MCM3AP: variants seen among roughly 807,000 people sequenced by gnomAD.
MCM3AP encodes germinal-center associated nuclear protein.
A neutral mutation model predicts 184.1 loss-of-function variants in MCM3AP; 126 were observed. That is an observed-to-expected ratio of 0.68 (90% CI 0.59 to 0.79). The LOEUF is 0.79. Among genes scored for constraint, MCM3AP ranks in the 30% least tolerant of loss-of-function variants. The pLI is 0.00. For synonymous variants in MCM3AP, 1,002 were observed against 979.3 expected (o/e 1.02, Z -0.43); for missense variants, 2,496 against 2,479.2 (o/e 1.01, Z -0.14).
intron 2 of MCM3AP, among the ~76,000 whole-genome samples, chr21:46,282,986 C>T (rs2081352297): frequency 6.6e-6 from 1 of 151,536 alleles, no homozygotes; most frequent in Non-Finnish European, 1.5e-5. Context: ...AGTGCAGTGG[C>T]ACGAACTCGG....
At chr21:46,242,968 C>A in intron 24 of MCM3AP, 37 bp from the exon 25 acceptor site, 1 of 1,500,322 alleles carries the variant, frequency 6.7e-7, no homozygotes, top group Middle Eastern at 1.8e-4. Flanking sequence ...AAGAGGCCAG[C>A]CTGGCCAACC....
In MCM3AP at chr21:46,236,750, C is replaced by T. The variant is rs16979006; in HGVS notation, c.5784+79G>A. 48,795 of 952,948 alleles carry T rather than the reference C, an allele frequency of 0.051. 1,852 individuals are homozygous for T. The highest frequency in any genetic ancestry group is 0.15 in the African/African-American group (8,915 of 58,286). The allele number at this position is 952,948 out of a possible 1,614,324, so 59.0% of individuals were successfully genotyped here. On this transcript the variant is annotated intron_variant, in intron 27 of 27. Transcript: ENST00000291688. Reference sequence around the variant, plus strand: ...GTCATCAAAACATCATAGGATAAATCGTGATATTACTTTTTTCCCCAGCCA... The same window carrying T: ...GTCATCAAAACATCATAGGATAAATTGTGATATTACTTTTTTCCCCAGCCA...
In MCM3AP at chr21:46,272,623, G is replaced by A. The variant is rs2081195730; in HGVS notation, c.2403C>T (p.Ala801=). 6.2e-7 allele frequency: 1 copy of A among 1,614,208 alleles called. No homozygotes were observed. The highest frequency in any genetic ancestry group is 8.5e-7 in the Non-Finnish European group (1 of 1,180,030). Residue 801 remains alanine (A), a synonymous_variant, in exon 8 of 28, where the codon GCC becomes GCT. Transcript: ENST00000291688. ...TGTAGCCCTGGAACTCCGCTTCGCTGGCACAGAAGACACCCTTGTTTCTCA... is the reference window on the plus strand; with the variant it reads ...TGTAGCCCTGGAACTCCGCTTCGCTAGCACAGAAGACACCCTTGTTTCTCA... ...QDLRNKGVFC[A]SEAEFQGYNV...
chr21:46,247,880 G>T (rs1160581302), intron 20 of MCM3AP, among the ~76,000 whole-genome samples: 4 of 152,008 alleles, frequency 2.6e-5, no homozygotes, highest in Non-Finnish European at 5.9e-5. Context: ...CAGGAGAACT[G>T]TTTGAGGCCA....
intron 2 of MCM3AP, among the ~76,000 whole-genome samples, chr21:46,282,595 G>A (rs1157176485): frequency 6.6e-6 from 1 of 152,090 alleles, no homozygotes; most frequent in Non-Finnish European, 1.5e-5. Flanking sequence ...GTGAGGTCAG[G>A]AGATCGAGAC....
chr21:46,247,797 A>C (rs1191527805), intron 20 of MCM3AP: 1 of 152,176 alleles, frequency 6.6e-6, no homozygotes, highest in Non-Finnish European at 1.5e-5. Flanking sequence ...AATTAACCTT[A>C]AACAGGTATA....
rs776140894 is a variant in MCM3AP at position 46,266,186 on chromosome 21, C to T, written c.2790-20G>A. 6.3e-7 allele frequency: 1 copy of T among 1,584,208 alleles called. No individual in the cohort carries two copies. Among genetic ancestry groups the T allele is most frequent in the Admixed American group, 1.7e-5 (1 of 58,236 alleles). On this transcript the variant is annotated intron_variant, in intron 10 of 27. Coordinates refer to ENST00000291688, the MANE Select transcript of MCM3AP (RefSeq NM_003906.5). ...ACACAGCTACCCAGACCACAAAAGACCCCCGAGGGGTGTCACCAGGGGAGA... is the reference window on the plus strand; with the variant it reads ...ACACAGCTACCCAGACCACAAAAGATCCCCGAGGGGTGTCACCAGGGGAGA...
At chr21:46,264,598 A>T (rs17182864) in intron 12 of MCM3AP, among the ~76,000 whole-genome samples, 2,766 of 152,222 alleles carry the variant, frequency 0.018, 85 homozygotes, top group African/African-American at 0.062. Flanking sequence ...GACAGGCTCT[A>T]CTCAATATCA....
At position 46,275,286 on chromosome 21, in the gene MCM3AP, A is replaced by G. The variant is rs1417548742; in HGVS notation, c.1898T>C (p.Phe633Ser). 4 of 1,614,034 alleles carry G rather than the reference A, an allele frequency of 2.5e-6. No individual in the cohort carries two copies. The highest frequency in any genetic ancestry group is 1.1e-5 in the South Asian group (1 of 91,072). Residue 633 changes from phenylalanine to serine, a missense_variant, in exon 6 of 28, where the codon TTT (phenylalanine) becomes TCT (serine). Phe to Ser is a radical substitution (Grantham distance 155, BLOSUM62 -2). Around this residue, in one of 5 missense-constraint regions of MCM3AP, gnomAD observed 130 missense variants for 199.8 expected, o/e 0.65. Transcript: ENST00000291688. ...KRTDLDKARTFVGTCLDMCPE... is the reference protein window; with the variant it reads ...KRTDLDKARTSVGTCLDMCPE... ...ACACATATCCAGGCAGGTGCCAACA[A>G]AAGTCCTCGCTTTGTCCAGATCGGT...
intron 5 of MCM3AP, 49 bp downstream of exon 5, chr21:46,277,478 G>A (rs368096624): frequency 2.1e-6 from 3 of 1,441,692 alleles, no homozygotes; most frequent in Non-Finnish European, 2.8e-6. Context: ...TGGCACCCAA[G>A]ATGACGACCT....
Position 46,284,138 on chromosome 21 carries a change from A to C in MCM3AP, c.1149T>G (p.Ser383=), listed in dbSNP as rs777389686. The C allele has an allele frequency of 4.3e-6, 7 of 1,614,244 alleles. No individual in the cohort carries two copies. The highest frequency in any genetic ancestry group is 1.3e-5 in the African/African-American group (1 of 75,068). ...CTGGAATCCGGGAAGGTGCCAGGAC[A>C]GACTGATTCCCTCCTGGGATAGCCA... is the stretch of plus-strand genomic sequence containing the variant. ...DHMAIPGGNQ[S]VLAPSRIPGV... is the part of the protein sequence containing the mutation. The change falls in exon 1 of 28, where the codon TCT becomes TCG. Residue 383 remains serine, a synonymous_variant. Transcript: ENST00000291688.
chr21:46,280,202 ACT>A, intron 3 of MCM3AP, 65 bp from the exon 4 acceptor site: 1 of 1,502,688 alleles, frequency 6.7e-7, no homozygotes, highest in Non-Finnish European at 9.2e-7. Context: ...GGATTTTTTC[ACT>A]CTGTTTCTAA....
chr21:46,283,997 T>G (rs2081366671), intron 1 of MCM3AP, 71 bp downstream of exon 1: 26 of 1,556,202 alleles, frequency 1.7e-5, no homozygotes, highest in Non-Finnish European at 2.3e-5. Context: ...AAAATCAAGC[T>G]AACACCCAGA....
chr21:46,264,295 C>T (rs1279344970), intron 12 of MCM3AP, 78 bp from the exon 13 acceptor site: 1 of 912,254 alleles, frequency 1.1e-6, no homozygotes, highest in African/African-American at 1.6e-5. Context: ...TGTCACCGGA[C>T]AGTCTGCAGG....
rs1208353758 is a variant in MCM3AP at position 46,283,721 on chromosome 21, A to G, written c.1337T>C (p.Leu446Pro). 2 of 1,613,864 alleles carry G rather than the reference A, an allele frequency of 1.2e-6. No individual in the cohort carries two copies. Among genetic ancestry groups the G allele is most frequent in the South Asian group, 2.2e-5 (2 of 91,080 alleles). Reference protein sequence around the residue: ...AIQCKNIPDYLNDRTILENHF... With the variant: ...AIQCKNIPDYPNDRTILENHF... ...GTTCTCCAGAATGGTCCTGTCGTTG[A>G]GGTAGTCAGGGATGTTCTTGCACTG... is the stretch of plus-strand genomic sequence containing the variant. Residue 446 changes from leucine to proline, a missense_variant, in exon 2 of 28, where the codon CTC becomes CCC. By Grantham distance (98) the Leu-to-Pro change is moderately conservative. Coordinates refer to ENST00000291688, the MANE Select transcript of MCM3AP (RefSeq NM_003906.5).
At chr21:46,256,333 T>C in intron 17 of MCM3AP, 1 of 161,750 alleles carries the variant, frequency 6.2e-6, no homozygotes, top group Non-Finnish European at 1.3e-5. Flanking sequence ...TAATGGAGGG[T>C]GGAGGTGGAG....
At chr21:46,256,419 T>G (rs1446744181) in intron 17 of MCM3AP, 1 of 233,816 alleles carries the variant, frequency 4.3e-6, no homozygotes, top group Non-Finnish European at 8.5e-6. Flanking sequence ...GGGGCGGGGA[T>G]GGGATCGGAA....
rs4818831 is a variant in MCM3AP, at chr21:46,266,260, T to C, written c.2790-94A>G. On this transcript the variant is annotated intron_variant, in intron 10 of 27. Coordinates refer to ENST00000291688, the MANE Select transcript of MCM3AP (RefSeq NM_003906.5). ...TGCCGAGTACTGCAAGCCCCTTGGG[T>C]GTCACCACAGCCATGTGTAAATAAC... is the stretch of plus-strand genomic sequence containing the variant. The C allele has an allele frequency of 0.85, 1,166,533 of 1,372,232 alleles. 501,540 individuals carry two copies. Among genetic ancestry groups the C allele is most frequent in the African/African-American group, 0.93 (64,545 of 69,108 alleles). 85.0% of individuals were successfully genotyped at this position (1,372,232 alleles called of 1,614,324 possible).
intron 13 of MCM3AP, among the ~76,000 whole-genome samples, chr21:46,263,198 C>T (rs998056405): frequency 2.0e-5 from 3 of 151,708 alleles, no homozygotes; most frequent in Admixed American, 6.6e-5. Flanking sequence ...GGCTTGGTGA[C>T]AGGTGCCTGT....
Sources: gnomAD v4.1 joint callset for allele counts (sites outside exome capture counted in the v4.1 genomes callset) on GRCh38, gnomAD v4.1.1 for gene constraint, gnomAD v4.1.1 regional missense constraint, MANE v1.5 for transcripts, NCBI Gene and HGNC (gene_info 2026-07-23, HGNC 2026-07-21) for gene names.